Variants in BLTP1 observed in about 807,000 individuals in gnomAD.
The protein encoded by BLTP1 is bridge-like lipid transfer protein family member 1, also known as fragile site-associated protein.
the BLTP1 span, chr4:122,247,656 A>G: frequency 4.3e-6 from 5 of 1,167,092 alleles, no homozygotes; most frequent in Non-Finnish European, 4.3e-6. Context: ...CTTGCTCGTT[A>G]TAGAACAGAG....
At chr4:122,342,581 C>T in the BLTP1 span, among the ~76,000 whole-genome samples, 1 of 152,126 alleles carries the variant, frequency 6.6e-6, no homozygotes, top group Non-Finnish European at 1.5e-5. Flanking sequence ...GTCTCAAACT[C>T]CTGACCTCGT....
At chr4:122,184,622 A>G in the BLTP1 span, 1 of 863,826 alleles carries the variant, frequency 1.2e-6, no homozygotes, top group African/African-American at 1.8e-5. Flanking sequence ...CCTGGGCAAC[A>G]GAGGGAGACT....
the BLTP1 span, among the ~76,000 whole-genome samples, chr4:122,218,743 A>G: frequency 4.6e-5 from 7 of 152,246 alleles, no homozygotes; most frequent in Non-Finnish European, 2.9e-5. Flanking sequence ...ATGCAAAAGA[A>G]AACAGTAGTT....
chr4:122,167,155 C>T, the BLTP1 span, among the ~76,000 whole-genome samples: 1 of 152,148 alleles, frequency 6.6e-6, no homozygotes, highest in African/African-American at 2.4e-5. Flanking sequence ...CATATGCCTG[C>T]ACATATACGG....
chr4:122,316,116 C>G, the BLTP1 span, among the ~76,000 whole-genome samples: 1 of 151,998 alleles, frequency 6.6e-6, no homozygotes, highest in Non-Finnish European at 1.5e-5. Context: ...AATTTCAAAG[C>G]AAAGTGCATA....
chr4:122,183,415 A>G, the BLTP1 span: 2 of 982,336 alleles, frequency 2.0e-6, no homozygotes, highest in Non-Finnish European at 2.4e-6. Flanking sequence ...AATTTCTAAA[A>G]TCAGAAAATT....
chr4:122,180,121 C>T, the BLTP1 span: 1 of 985,032 alleles, frequency 1.0e-6, no homozygotes. Flanking sequence ...GCATTGGATT[C>T]TTCAGGAACT....
At chr4:122,274,345 GT>G in the BLTP1 span, 3 of 1,437,180 alleles carry the variant, frequency 2.1e-6, no homozygotes, top group Non-Finnish European at 2.9e-6. Flanking sequence ...TATTTAAGAT[GT>G]TTTACATCAA....
chr4:122,194,804 T>C, the BLTP1 span: 17 of 543,268 alleles, frequency 3.1e-5, no homozygotes, highest in Non-Finnish European at 4.0e-5. Flanking sequence ...ACAGTGAAGA[T>C]AGAAATTTGC....
At chr4:122,275,232 T>C in the BLTP1 span, among the ~76,000 whole-genome samples, 29 of 152,228 alleles carry the variant, frequency 1.9e-4, no homozygotes, top group African/African-American at 6.7e-4. Context: ...AAGTGCCTAC[T>C]GTGGGCCAGA....
the BLTP1 span, chr4:122,244,033 G>T: frequency 6.4e-7 from 1 of 1,569,878 alleles, no homozygotes; most frequent in South Asian, 1.2e-5. Context: ...GACAGGTATT[G>T]ATTTTGTCTA....
the BLTP1 span, among the ~76,000 whole-genome samples, chr4:122,283,190 G>A: frequency 1.3e-5 from 2 of 152,054 alleles, no homozygotes; most frequent in Non-Finnish European, 2.9e-5. Context: ...TCATATTTAA[G>A]TTTTTAATCT....
the BLTP1 span, chr4:122,343,389 A>C: frequency 6.2e-7 from 1 of 1,609,158 alleles, no homozygotes; most frequent in Non-Finnish European, 8.5e-7. Flanking sequence ...TTATATTTTC[A>C]ATTTCCTGTG....
At chr4:122,204,779 A>G in the BLTP1 span, 79 of 627,878 alleles carry the variant, frequency 1.3e-4, no homozygotes, top group Middle Eastern at 8.3e-4. Context: ...GCTAAAGACT[A>G]AAGTTAGAAA....
the BLTP1 span, chr4:122,349,718 C>G: frequency 6.5e-7 from 1 of 1,531,912 alleles, no homozygotes; most frequent in Non-Finnish European, 8.8e-7. This position sits in a 1 kb window ranked among gnomAD's most constrained non-coding sequence, Gnocchi z 4.5. Context: ...GGTGAGAAAA[C>G]AGCAATTTTT....
chr4:122,254,607 CTT>C, the BLTP1 span: 2 of 752,846 alleles, frequency 2.7e-6, no homozygotes, highest in Non-Finnish European at 3.2e-6. Context: ...CTCTGACAGG[CTT>C]TTTTTTTTCT....
At chr4:122,331,950 A>T in the BLTP1 span, 6 of 193,576 alleles carry the variant, frequency 3.1e-5, no homozygotes, top group African/African-American at 1.4e-4. Context: ...AGTTACACAG[A>T]CCTCAGTAGA....
chr4:122,271,188 A>G, the BLTP1 span: 1 of 1,613,968 alleles, frequency 6.2e-7, no homozygotes, highest in South Asian at 1.1e-5. Context: ...TTTCACTGCA[A>G]CTTTACTATT....
At chr4:122,343,483 C>T in the BLTP1 span, 1 of 1,614,094 alleles carries the variant, frequency 6.2e-7, no homozygotes, top group South Asian at 1.1e-5. Context: ...CCAGTTCCAG[C>T]AGTAGTTCAT....
Sources: gnomAD v4.1 joint callset for allele counts (sites outside exome capture counted in the v4.1 genomes callset) on GRCh38, gnomAD v4.1.1 for gene constraint, Gnocchi (gnomAD v3.1) non-coding constraint, MANE v1.5 for transcripts, NCBI Gene and HGNC (gene_info 2026-07-23, HGNC 2026-07-21) for gene names.